The following MMP16 variants were observed in gnomAD, a reference collection of about 807,000 sequenced individuals.
The protein encoded by MMP16 is matrix metalloproteinase-16.
In MMP16, 12 loss-of-function variants were observed where a neutral mutation model predicts 67.8. The ratio of observed to expected loss-of-function variants is 0.18; its 90% CI spans 0.11 to 0.29. The LOEUF (loss-of-function observed/expected upper bound fraction) is 0.29. Ranked by LOEUF, MMP16 falls within the 10% of genes least tolerant of loss-of-function variation. MMP16 has a pLI of 1.00. For synonymous variants in MMP16, 249 were observed against 255.9 expected (o/e 0.97, Z 0.26); for missense variants, 475 against 765.7 (o/e 0.62, Z 4.48).
intron 1 of MMP16, among the ~76,000 whole-genome samples, chr8:88,270,984 C>T (rs1275140342): frequency 1.3e-5 from 2 of 152,046 alleles, no homozygotes. Context: ...TCTACCCAGA[C>T]CTGGCATAGT....
At chr8:88,121,164 A>G (rs1461327043) in intron 4 of MMP16, among the ~76,000 whole-genome samples, 1 of 151,920 alleles carries the variant, frequency 6.6e-6, no homozygotes, top group Non-Finnish European at 1.5e-5. Flanking sequence ...ATAACAGCCA[A>G]AGCCATTCTG....
chr8:88,046,013 C>T (rs1261529056), intron 9 of MMP16, among the ~76,000 whole-genome samples: 1 of 152,086 alleles, frequency 6.6e-6, no homozygotes, highest in Non-Finnish European at 1.5e-5. Context: ...ATTTACTAAT[C>T]CCTGGATGGG....
At chr8:88,198,445 T>C (rs1009118348) in intron 1 of MMP16, among the ~76,000 whole-genome samples, 2 of 152,118 alleles carry the variant, frequency 1.3e-5, no homozygotes, top group South Asian at 4.1e-4. Flanking sequence ...TCAGTCTATT[T>C]ATCACATAAA....
intron 4 of MMP16, among the ~76,000 whole-genome samples, chr8:88,144,545 C>G (rs1252338781): frequency 6.6e-6 from 1 of 151,528 alleles, no homozygotes; most frequent in African/African-American, 2.4e-5. Context: ...AGACTTTTAT[C>G]TAATTTTAGC....
chr8:88,166,395 C>T (rs1458441135), intron 4 of MMP16, among the ~76,000 whole-genome samples: 2 of 151,702 alleles, frequency 1.3e-5, no homozygotes, highest in East Asian at 3.9e-4. Flanking sequence ...TTTTTTAAAA[C>T]ACAGAATTGA....
chr8:88,052,454 C>T lies in MMP16; in HGVS notation c.1373+3674G>A, dbSNP rs372753870. On this transcript the variant is annotated intron_variant, in intron 8 of 9. Transcript: ENST00000286614. ...CCACTGCTACCATCATGTCTTCCTG[C>T]ACTCCTTCAATGGTCTCCCAGTTAC... 7.2e-5 allele frequency among the ~76,000 whole-genome samples: 11 copies of T among 152,242 alleles called. No homozygotes were observed. The East Asian group carries it at 7.7e-4, about 11-fold the overall frequency.
At chr8:88,261,132 C>T (rs1013442558) in intron 1 of MMP16, among the ~76,000 whole-genome samples, 1 of 152,128 alleles carries the variant, frequency 6.6e-6, no homozygotes, top group Non-Finnish European at 1.5e-5. Flanking sequence ...AATTTCCTAG[C>T]TTTATCATGC....
intron 3 of MMP16, among the ~76,000 whole-genome samples, chr8:88,172,282 A>G (rs911823016): frequency 3.3e-5 from 5 of 152,212 alleles, no homozygotes; most frequent in Non-Finnish European, 7.3e-5. Context: ...TTTATAACAC[A>G]TACAATGTAG....
At position 88,054,390 on chromosome 8, in the gene MMP16, T is replaced by C. The variant is rs944259935; in HGVS notation, c.1373+1738A>G. ...GTGAATTTAACAACCTTAAGAGTTA[T>C]ACCATTTTAAAGAATATGTTATAAG... On this transcript the variant is annotated intron_variant, in intron 8 of 9. Coordinates refer to ENST00000286614, the MANE Select transcript of MMP16 (RefSeq NM_005941.5). Among the ~76,000 whole-genome samples the C allele has an allele frequency of 5.3e-5, 8 of 152,312 alleles. No individual in the cohort carries two copies. The East Asian group carries it at 1.4e-3, about 26-fold the overall frequency.
intron 6 of MMP16, among the ~76,000 whole-genome samples, chr8:88,080,058 C>G (rs1343853653): frequency 6.6e-6 from 1 of 152,218 alleles, no homozygotes; most frequent in African/African-American, 2.4e-5. Context: ...ACATATGTTA[C>G]TGCATCATGG....
intron 6 of MMP16, among the ~76,000 whole-genome samples, chr8:88,081,940 T>C (rs1444402986): frequency 1.2e-4 from 18 of 152,126 alleles, no homozygotes; most frequent in African/African-American, 4.1e-4. Flanking sequence ...AAAACATTGG[T>C]TGTGACCAAT....
At chr8:88,087,189 A>C (rs923326351) in intron 6 of MMP16, among the ~76,000 whole-genome samples, 3 of 151,928 alleles carry the variant, frequency 2.0e-5, no homozygotes, top group Non-Finnish European at 2.9e-5. Context: ...CTTAAATTAT[A>C]ATTTACATCC....
At chr8:88,153,210 A>C (rs1808439893) in intron 4 of MMP16, among the ~76,000 whole-genome samples, 1 of 151,536 alleles carries the variant, frequency 6.6e-6, no homozygotes, top group African/African-American at 2.4e-5. Context: ...TCAAGGAAAT[A>C]AAAGAGGATA....
At chr8:88,071,441 G>C (rs1425208869) in intron 7 of MMP16, among the ~76,000 whole-genome samples, 1 of 151,534 alleles carries the variant, frequency 6.6e-6, no homozygotes, top group Non-Finnish European at 1.5e-5. Context: ...AAAAGACAAA[G>C]CTTCTCAAAT....
At chr8:88,159,952 T>G (rs556430748) in intron 4 of MMP16, among the ~76,000 whole-genome samples, 3 of 152,138 alleles carry the variant, frequency 2.0e-5, no homozygotes, top group Admixed American at 1.3e-4. Flanking sequence ...TTGTTGTTTT[T>G]TTTTCAAATT....
At chr8:88,212,994 T>A (rs1809534445) in intron 1 of MMP16, among the ~76,000 whole-genome samples, 1 of 152,168 alleles carries the variant, frequency 6.6e-6, no homozygotes, top group African/African-American at 2.4e-5. Context: ...ATGATTATAA[T>A]TTTAAAGGAT....
chr8:88,075,120 T>C (rs564401874), intron 6 of MMP16, among the ~76,000 whole-genome samples: 5 of 152,166 alleles, frequency 3.3e-5, no homozygotes, highest in African/African-American at 1.2e-4. Context: ...TTTAAATATA[T>C]GCAAAATCTC....
chr8:88,221,266 A>G (rs28904616), intron 1 of MMP16, among the ~76,000 whole-genome samples: 7 of 152,226 alleles, frequency 4.6e-5, no homozygotes, highest in East Asian at 1.9e-4. Flanking sequence ...GAGACATCAA[A>G]TGTCAAATGC....
chr8:88,171,764 T>A (rs530076386), intron 3 of MMP16, among the ~76,000 whole-genome samples: 2 of 152,046 alleles, frequency 1.3e-5, no homozygotes, highest in African/African-American at 2.4e-5. Flanking sequence ...ACAACATTAC[T>A]TTAGGAAGAA....
Sources: allele counts gnomAD v4.1 joint callset (sites outside exome capture counted in the v4.1 genomes callset), GRCh38; gene constraint gnomAD v4.1.1; transcripts MANE v1.5; gene names NCBI Gene and HGNC (gene_info 2026-07-23, HGNC 2026-07-21).